CMIP: variants seen among roughly 807,000 people sequenced by gnomAD.
CMIP encodes the protein c-Maf inducing protein.
CMIP carries 13 observed loss-of-function variants against 97.3 expected under a neutral mutation model. That is an observed-to-expected ratio of 0.13 (90% CI 0.09 to 0.21). The LOEUF is 0.21. CMIP is among the 10% of genes least tolerant of loss of function. The pLI is 1.00. For synonymous variants in CMIP, 538 were observed against 436.3 expected (o/e 1.23, Z -2.91); for missense variants, 847 against 1,024.9 (o/e 0.83, Z 2.37).
chr16:81,570,537 GT>G (rs1324044393), intron 1 of CMIP, among the ~76,000 whole-genome samples: 1 of 152,166 alleles, frequency 6.6e-6, no homozygotes, highest in Non-Finnish European at 1.5e-5. Context: ...AGAAGCCGAG[GT>G]GGAAACGCCA....
intron 1 of CMIP, among the ~76,000 whole-genome samples, chr16:81,540,743 C>T (rs1336179040): frequency 2.6e-5 from 4 of 151,168 alleles, no homozygotes; most frequent in African/African-American, 9.8e-5. Flanking sequence ...TGCAGTGGCG[C>T]GATCTCGGCT....
chr16:81,489,195 C>T (rs1161780183), intron 1 of CMIP, among the ~76,000 whole-genome samples: 1 of 152,084 alleles, frequency 6.6e-6, no homozygotes, highest in Non-Finnish European at 1.5e-5. Context: ...AGGAGGGGTA[C>T]GATGTGCCCA....
chr16:81,575,363 C>A (rs759595068), intron 1 of CMIP, among the ~76,000 whole-genome samples: 1 of 152,290 alleles, frequency 6.6e-6, no homozygotes, highest in African/African-American at 2.4e-5. Context: ...TCTCCCCACA[C>A]CATCAGTGGA....
intron 10 of CMIP, among the ~76,000 whole-genome samples, chr16:81,689,361 G>A (rs1032798418): frequency 1.3e-5 from 2 of 152,204 alleles, no homozygotes; most frequent in Non-Finnish European, 2.9e-5. Flanking sequence ...TAACTGGTGT[G>A]AGATGGTATC....
chr16:81,560,589 G>A (rs942298632), intron 1 of CMIP, among the ~76,000 whole-genome samples: 4 of 152,140 alleles, frequency 2.6e-5, no homozygotes, highest in Non-Finnish European at 5.9e-5. Context: ...GTAGTGTACG[G>A]CAATGTCTCA....
At chr16:81,448,281 T>G (rs992186753) in intron 1 of CMIP, among the ~76,000 whole-genome samples, 1 of 152,258 alleles carries the variant, frequency 6.6e-6, no homozygotes, top group African/African-American at 2.4e-5. Context: ...CCCAGAGTGA[T>G]TGATAGGGAT....
At chr16:81,563,084 A>G (rs1002916294) in intron 1 of CMIP, among the ~76,000 whole-genome samples, 1 of 152,198 alleles carries the variant, frequency 6.6e-6, no homozygotes, top group Non-Finnish European at 1.5e-5. Context: ...AGGAAAAACC[A>G]TCTTGTTTTG....
At chr16:81,661,418 T>C (rs771826589) in intron 6 of CMIP, among the ~76,000 whole-genome samples, 6 of 152,230 alleles carry the variant, frequency 3.9e-5, no homozygotes, top group Non-Finnish European at 7.3e-5. Flanking sequence ...GGGATTCACA[T>C]AGGACATGTC....
At chr16:81,603,535 C>T (rs923136385) in intron 1 of CMIP, 1 of 440,644 alleles carries the variant, frequency 2.3e-6, no homozygotes, top group Non-Finnish European at 4.6e-6. Flanking sequence ...AACTTGTGAA[C>T]CAATATTGAT....
chr16:81,471,368 A>T (rs576900708), intron 1 of CMIP, among the ~76,000 whole-genome samples: 1 of 152,188 alleles, frequency 6.6e-6, no homozygotes. Flanking sequence ...GTATACATGT[A>T]TGTGTATACA....
chr16:81,600,275 GAA>G (rs71146022), intron 1 of CMIP, among the ~76,000 whole-genome samples: 307 of 81,656 alleles, frequency 3.8e-3, no homozygotes, highest in Middle Eastern at 6.7e-3. Flanking sequence ...GACTCCATCT[GAA>G]AAAAAAAAAA....
intron 10 of CMIP, among the ~76,000 whole-genome samples, chr16:81,684,406 C>A (rs1905177942): frequency 6.6e-6 from 1 of 152,230 alleles, no homozygotes; most frequent in Non-Finnish European, 1.5e-5. Flanking sequence ...CACCGTGAGG[C>A]CGCCACGTTC....
chr16:81,642,998 C>A (rs527925130), intron 3 of CMIP, among the ~76,000 whole-genome samples: 1 of 152,290 alleles, frequency 6.6e-6, no homozygotes, highest in Admixed American at 6.5e-5. Flanking sequence ...ACCTTGAGGA[C>A]GGTATGCTAA....
At position 81,621,036 on chromosome 16, in the gene CMIP, T is replaced by A; in HGVS notation, c.477+110T>A. 7.3e-7 allele frequency: 1 copy of A among 1,376,604 alleles called. No homozygotes were observed. The highest frequency in any genetic ancestry group is 1.0e-6 in the Non-Finnish European group (1 of 992,606). 85.3% of individuals were successfully genotyped at this position (1,376,604 alleles called of 1,614,324 possible). On this transcript the variant is annotated intron_variant, in intron 3 of 20. Transcript: ENST00000537098. The surrounding 1 kb of genome is among the most constrained non-coding windows in gnomAD (Gnocchi z 4.1). ...AAGTGGAGAACTCATGCCTTCCAGA[T>A]GGCTCAGCTGAGGAACTTTGTTCCC...
chr16:81,445,203 C>T lies in CMIP; in HGVS notation c.-39C>T. 1 of 1,405,438 alleles carries T rather than the reference C, an allele frequency of 7.1e-7. No homozygotes were observed. Among genetic ancestry groups the T allele is most frequent in the African/African-American group, 1.5e-5 (1 of 68,902 alleles). 87.1% of individuals were successfully genotyped at this position (1,405,438 alleles called of 1,614,324 possible). On this transcript the variant is annotated 5_prime_UTR_variant, in exon 1 of 21. Transcript: ENST00000537098. ...CGCCGCCCCAGCAGCCCAGGACAGC[C>T]CCCTCTCCCCGCCCCCAGCCCCCTC... is the stretch of plus-strand genomic sequence containing the variant.
chr16:81,702,421 G>A (rs981109623), intron 16 of CMIP, among the ~76,000 whole-genome samples: 2 of 152,086 alleles, frequency 1.3e-5, no homozygotes, highest in Non-Finnish European at 2.9e-5. Flanking sequence ...TCTCCCACTG[G>A]TGTTTCTTGG....
At chr16:81,562,190 C>T (rs2090896089) in intron 1 of CMIP, among the ~76,000 whole-genome samples, 1 of 152,208 alleles carries the variant, frequency 6.6e-6, no homozygotes, top group South Asian at 2.1e-4. Context: ...ATTGAGTGAG[C>T]TGTGGTCTGT....
At chr16:81,502,020 C>T (rs959482662) in intron 1 of CMIP, among the ~76,000 whole-genome samples, 7 of 152,150 alleles carry the variant, frequency 4.6e-5, no homozygotes, top group African/African-American at 1.4e-4. Context: ...TGAGTGGTGC[C>T]TACTATATGC....
intron 3 of CMIP, among the ~76,000 whole-genome samples, chr16:81,644,687 G>A (rs2092343787): frequency 6.6e-6 from 1 of 152,244 alleles, no homozygotes; most frequent in African/African-American, 2.4e-5. Flanking sequence ...CTTAGCATCT[G>A]CAGCCATAGT....
Sources: gnomAD v4.1 joint callset for allele counts (sites outside exome capture counted in the v4.1 genomes callset) on GRCh38, gnomAD v4.1.1 for gene constraint, Gnocchi (gnomAD v3.1) non-coding constraint, MANE v1.5 for transcripts, NCBI Gene and HGNC (gene_info 2026-07-23, HGNC 2026-07-21) for gene names.